The following FAM219B variants were observed in gnomAD, a reference collection of about 807,000 sequenced individuals.
The protein encoded by FAM219B is protein FAM219B.
In FAM219B, 18 loss-of-function variants were observed where a neutral mutation model predicts 19.9. That is an observed-to-expected ratio of 0.91 (90% CI 0.63 to 1.34). FAM219B has a LOEUF of 1.34. FAM219B is among the 40% of genes most tolerant of loss of function. The pLI, the probability that FAM219B is intolerant of heterozygous loss-of-function variation, is 0.00. For synonymous variants in FAM219B, 123 were observed against 117.5 expected (o/e 1.05, Z -0.30); for missense variants, 283 against 270.5 (o/e 1.05, Z -0.32).
chr15:74,906,737 C>G lies in FAM219B; in HGVS notation c.64G>C (p.Gly22Arg). ...GCTCCCGGCGCGCGGTCCCGAGCCC[C>G]GCTGGGCCGGGGTCCCGGGGTAGAC... ...RLSTPGPRPS[G>R]ARDRAPGAAG... is the part of the protein sequence containing the mutation. The change falls in exon 1 of 5, where the codon GGG (glycine) becomes CGG (arginine). Residue 22 changes from glycine to arginine, a missense_variant. Coordinates refer to ENST00000357635, the MANE Select transcript of FAM219B (RefSeq NM_020447.5). 7.4e-7 allele frequency: 1 copy of G among 1,348,676 alleles called. No individual in the cohort carries two copies. The highest frequency in any genetic ancestry group is 9.5e-7 in the Non-Finnish European group (1 of 1,047,852). The allele number at this position is 1,348,676 out of a possible 1,614,324, so 83.5% of individuals were successfully genotyped here.
Position 74,906,843 on chromosome 15 carries a change from CGAAA to C in FAM219B, c.-47_-44del. On this transcript the variant is annotated 5_prime_UTR_variant, in exon 1 of 5. Transcript: ENST00000357635. ...CCGGATGGTGCAACCCCGCCCGTGG[CGAAA>C]GAGTGACCGGCCGAGGGAGAGGCGG... 1 of 1,236,088 alleles carries C rather than the reference CGAAA, an allele frequency of 8.1e-7. No individual in the cohort carries two copies. The highest frequency in any genetic ancestry group is 1.0e-6 in the Non-Finnish European group (1 of 990,116). 76.6% of individuals were successfully genotyped at this position (1,236,088 alleles called of 1,614,324 possible).
chr15:74,902,816 C>A (rs965445219), intron 4 of FAM219B, 30 bp from the exon 5 acceptor site: 16 of 1,581,950 alleles, frequency 1.0e-5, no homozygotes, highest in Admixed American at 1.8e-5. Flanking sequence ...GAACTATAGG[C>A]CAAGATGCAA....
At chr15:74,902,883 G>C (rs2065022227) in intron 4 of FAM219B, 97 bp from the exon 5 acceptor site, 1 of 1,422,036 alleles carries the variant, frequency 7.0e-7, no homozygotes, top group African/African-American at 1.4e-5. Context: ...AGGGCTTCCT[G>C]TCCATGTCCC....
rs2064959168 is a variant in FAM219B at position 74,901,554 on chromosome 15, A to C, written c.*1065T>G. The C allele has an allele frequency of 6.6e-6, 1 of 152,108 alleles. No individual in the cohort carries two copies. The highest frequency in any genetic ancestry group is 1.5e-5 in the Non-Finnish European group (1 of 68,074). The allele number at this position is 152,108 out of a possible 1,614,324, so 9.4% of individuals were successfully genotyped here. ...CTGGCAATAGAATGGTCCATGCTGG[A>C]GTGAAGGGAGGCCCTCTACACTGGT... On this transcript the variant is annotated 3_prime_UTR_variant, in exon 5 of 5. Transcript: ENST00000357635.
At position 74,906,819 on chromosome 15, in the gene FAM219B, C is replaced by G. The variant is rs2065222766; in HGVS notation, c.-19G>C. On this transcript the variant is annotated 5_prime_UTR_variant, in exon 1 of 5. Coordinates refer to ENST00000357635, the MANE Select transcript of FAM219B (RefSeq NM_020447.5). ...TCGCCATGGCCGGGCCCCGCCCTGC[C>G]GGATGGTGCAACCCCGCCCGTGGCG... The G allele has an allele frequency of 3.1e-6, 4 of 1,273,132 alleles. No individual in the cohort carries two copies. In the East Asian group the frequency reaches 1.3e-4, roughly 40 times the overall value. 78.9% of individuals were successfully genotyped at this position (1,273,132 alleles called of 1,614,324 possible).
Position 74,906,610 on chromosome 15 carries a change from G to A in FAM219B, c.191C>T (p.Ala64Val), listed in dbSNP as rs763093233. 3.3e-6 allele frequency: 5 copies of A among 1,509,232 alleles called. No homozygotes were observed. In the South Asian group the frequency reaches 5.4e-5, roughly 16 times the overall value. The allele number at this position is 1,509,232 out of a possible 1,614,324, so 93.5% of individuals were successfully genotyped here. The change falls in exon 1 of 5, where the codon GCA becomes GTA. Residue 64 changes from alanine (A) to valine (V), a missense_variant. Physicochemically the swap from Ala to Val is moderately conservative, Grantham distance 64. Transcript: ENST00000357635. ...ACGCAGCTTGGCTTGAATGGAGGGT[G>A]CGCGCGTCACCATGTATGGCCCCCG... ...EKRGPYMVTR[A>V]PSIQAKLQKH...
rs915884142 is a variant in FAM219B, at chr15:74,901,135, C to G, written c.*1484G>C. ...CTATACCCCAATCCCGACTATTGGGCTGGGAACCCTGTCTATGCCCATTCA... is the reference window on the plus strand; with the variant it reads ...CTATACCCCAATCCCGACTATTGGGGTGGGAACCCTGTCTATGCCCATTCA... On this transcript the variant is annotated 3_prime_UTR_variant, in exon 5 of 5. Transcript: ENST00000357635. 6.6e-6 allele frequency: 1 copy of G among 152,206 alleles called. No individual in the cohort carries two copies. The highest frequency in any genetic ancestry group is 2.4e-5 in the African/African-American group (1 of 41,424). 9.4% of individuals were successfully genotyped at this position (152,206 alleles called of 1,614,324 possible). A position where few individuals can be genotyped will look rare whatever the true frequency, so the allele number is the denominator to read the frequency against.
intron 3 of FAM219B, 60 bp from the exon 4 acceptor site, chr15:74,904,772 A>G (rs1681028098): frequency 6.2e-7 from 1 of 1,604,948 alleles, no homozygotes; most frequent in African/African-American, 1.3e-5. Flanking sequence ...GCTGTAAATC[A>G]TCAGGCGGAG....
intron 3 of FAM219B, 21 bp from the exon 4 acceptor site, chr15:74,904,733 T>C: frequency 6.2e-7 from 1 of 1,614,138 alleles, no homozygotes; most frequent in Non-Finnish European, 8.5e-7. Flanking sequence ...AGGAAAACAG[T>C]CAGTTCCGGG....
At position 74,902,689 on chromosome 15, in the gene FAM219B, G is replaced by T; in HGVS notation, c.527C>A (p.Pro176His). 6.2e-7 allele frequency: 1 copy of T among 1,613,276 alleles called. No homozygotes were observed. Among genetic ancestry groups the T allele is most frequent in the Non-Finnish European group, 8.5e-7 (1 of 1,179,602 alleles). ...GCAGGAGCATGTTGAAGAGGCCATG[G>T]GCTTAGGGGGGATGAGGTCCAAGTC... ...DEDLDLIPPK[P>H]MASSTCSCCW... Residue 176 changes from proline to histidine, a missense_variant, in exon 5 of 5, where the codon CCC becomes CAC. Pro to His is a moderately conservative substitution (Grantham distance 77, BLOSUM62 -2). Transcript: ENST00000357635.
Position 74,906,765 on chromosome 15 carries a change from C to G in FAM219B, c.36G>C (p.Arg12=). 1.5e-6 allele frequency: 2 copies of G among 1,300,086 alleles called. No individual in the cohort carries two copies. Among genetic ancestry groups the G allele is most frequent in the African/African-American group, 3.1e-5 (2 of 64,768 alleles). The allele number at this position is 1,300,086 out of a possible 1,614,324, so 80.5% of individuals were successfully genotyped here. A position where few individuals can be genotyped will look rare whatever the true frequency, so the allele number is the denominator to read the frequency against. Residue 12 remains arginine, a synonymous_variant, in exon 1 of 5, where the codon CGG becomes CGC. Coordinates refer to ENST00000357635, the MANE Select transcript of FAM219B (RefSeq NM_020447.5). ...TGGGCCGGGGTCCCGGGGTAGACAA[C>G]CGCAACGCGCGCCCGCTGGGCTCCG... ...ATAEPSGRAL[R]LSTPGPRPSG...
intron 2 of FAM219B, chr15:74,905,524 A>G (rs186403306): frequency 3.6e-5 from 11 of 305,422 alleles, no homozygotes; most frequent in Admixed American, 2.8e-4. Context: ...ACCATGCTCA[A>G]GTGATTTTCC....
intron 3 of FAM219B, 116 bp downstream of exon 3, chr15:74,905,038 C>T: frequency 6.4e-7 from 1 of 1,574,034 alleles, no homozygotes; most frequent in Non-Finnish European, 8.6e-7. Context: ...AAGAGAACGG[C>T]CCTGGAATGT....
rs1156906413 is a variant in FAM219B at position 74,904,698 on chromosome 15, C to T, written c.395G>A (p.Gly132Glu). The T allele has an allele frequency of 2.5e-6, 4 of 1,614,064 alleles. No individual in the cohort carries two copies. The highest frequency in any genetic ancestry group is 2.5e-6 in the Non-Finnish European group (3 of 1,180,030). ...TGAATACCCGGAGGAGTATCTGGAT[C>T]CCAGCTCCCCATCACTAGGAGAAGA... ...SLDSDSDGEL[G>E]SRYSSGYSSA... Residue 132 changes from glycine to glutamate, a missense_variant, in exon 4 of 5, where the codon GGA becomes GAA. Coordinates refer to ENST00000357635, the MANE Select transcript of FAM219B (RefSeq NM_020447.5).
intron 2 of FAM219B, 34 bp from the exon 3 acceptor site, chr15:74,905,265 A>G: frequency 6.2e-7 from 1 of 1,603,008 alleles, no homozygotes; most frequent in Non-Finnish European, 8.5e-7. Context: ...GACCAAACAT[A>G]GATGAAAGCA....
rs1246369723 is a variant in FAM219B, at chr15:74,901,289, C to T, written c.*1330G>A. The stretch of plus-strand genomic sequence containing the variant: ...CAACAAAACAAAGCAGAACGCTCAC[C>T]ATGGTTCTGAGTTAAGCCAAAAAAC... On this transcript the variant is annotated 3_prime_UTR_variant, in exon 5 of 5. Coordinates refer to ENST00000357635, the MANE Select transcript of FAM219B (RefSeq NM_020447.5). 6.6e-6 allele frequency: 1 copy of T among 152,376 alleles called. No individual in the cohort carries two copies. Among genetic ancestry groups the T allele is most frequent in the African/African-American group, 2.4e-5 (1 of 41,428 alleles). The allele number at this position is 152,376 out of a possible 1,614,324, so 9.4% of individuals were successfully genotyped here.
chr15:74,906,490 C>G (rs1470355153), intron 1 of FAM219B, 97 bp downstream of exon 1: 76 of 1,494,490 alleles, frequency 5.1e-5, no homozygotes, highest in Non-Finnish European at 6.3e-5. Context: ...AACCCCTTCC[C>G]TCCGGGGCCG....
Position 74,906,624 on chromosome 15 carries a change from G to C in FAM219B, c.177C>G (p.Tyr59Ter), listed in dbSNP as rs1268572410. 1 of 1,509,314 alleles carries C rather than the reference G, an allele frequency of 6.6e-7. No homozygotes were observed. The highest frequency in any genetic ancestry group is 8.8e-7 in the Non-Finnish European group (1 of 1,132,884). The allele number at this position is 1,509,314 out of a possible 1,614,324, so 93.5% of individuals were successfully genotyped here. A position where few individuals can be genotyped will look rare whatever the true frequency, so the allele number is the denominator to read the frequency against. The part of the protein sequence containing the change: ...TPAAVEKRGP[Y>*]MVTRAPSIQA... ...GAATGGAGGGTGCGCGCGTCACCAT[G>C]TATGGCCCCCGCTTTTCCACGGCCG... Residue 59 changes from tyrosine (Y) to a stop codon, truncating the protein, a stop_gained, in exon 1 of 5, where the codon TAC becomes TAG. Coordinates refer to ENST00000357635, the MANE Select transcript of FAM219B (RefSeq NM_020447.5). LOFTEE classifies it high-confidence loss of function.
At chr15:74,906,174 G>A in intron 2 of FAM219B, 104 bp downstream of exon 2, 2 of 1,168,924 alleles carry the variant, frequency 1.7e-6, no homozygotes, top group Non-Finnish European at 2.4e-6. Context: ...GTTGCATCAG[G>A]GGAATCGCTA....
Sources: gnomAD v4.1 joint callset for allele counts on GRCh38, gnomAD v4.1.1 for gene constraint, MANE v1.5 for transcripts, NCBI Gene and HGNC (gene_info 2026-07-23, HGNC 2026-07-21) for gene names.